CACNB4: variants seen among roughly 807,000 people sequenced by gnomAD.
CACNB4 encodes voltage-dependent L-type calcium channel subunit beta-4.
CACNB4 carries 32 observed loss-of-function variants against 71.2 expected under a neutral mutation model. The observed-to-expected ratio is 0.45, with a 90% CI of 0.34 to 0.60. The LOEUF (loss-of-function observed/expected upper bound fraction) is 0.60, where lower values mean the gene tolerates loss of function less well. Among genes scored for constraint, CACNB4 ranks in the 20% least tolerant of loss-of-function variants. CACNB4 has a pLI of 0.01. For missense variants in CACNB4, 464 were observed against 647.9 expected (o/e 0.72, Z 3.08); for synonymous variants, 231 against 236.9 (o/e 0.97, Z 0.23).
chr2:151,920,977 A>T (rs1434200599), intron 2 of CACNB4, among the ~76,000 whole-genome samples: 3 of 151,954 alleles, frequency 2.0e-5, no homozygotes, highest in East Asian at 1.9e-4. Context: ...TCTCTACTAA[A>T]AATACAAAAA....
At chr2:152,072,353 A>G (rs1466540926) in intron 2 of CACNB4, among the ~76,000 whole-genome samples, 9 of 152,384 alleles carry the variant, frequency 5.9e-5, no homozygotes, top group East Asian at 1.9e-4. Context: ...TGAGAGATCC[A>G]ACGTGGCTAG....
At chr2:151,901,305 C>T (rs1258243432) in intron 2 of CACNB4, among the ~76,000 whole-genome samples, 3 of 151,872 alleles carry the variant, frequency 2.0e-5, no homozygotes, top group Admixed American at 6.6e-5. Flanking sequence ...TTTTGGTAAC[C>T]GTGTTAAATT....
intron 12 of CACNB4, among the ~76,000 whole-genome samples, chr2:151,845,945 A>C (rs1367859933): frequency 6.6e-6 from 1 of 152,258 alleles, no homozygotes; most frequent in Non-Finnish European, 1.5e-5. Context: ...GTAAATAACG[A>C]AGAGTGAAAA....
chr2:151,943,573 A>C (rs1205696898), intron 2 of CACNB4, among the ~76,000 whole-genome samples: 2 of 152,324 alleles, frequency 1.3e-5, no homozygotes, highest in Non-Finnish European at 2.9e-5. Flanking sequence ...TAAAAGCAGT[A>C]CAAATATTCA....
At chr2:151,905,268 C>G (rs1296935160) in intron 2 of CACNB4, among the ~76,000 whole-genome samples, 5 of 152,210 alleles carry the variant, frequency 3.3e-5, no homozygotes, top group Non-Finnish European at 7.3e-5. Flanking sequence ...CCATTGCTTG[C>G]TACTCATTGC....
intron 2 of CACNB4, among the ~76,000 whole-genome samples, chr2:152,001,515 C>T (rs1473486660): frequency 8.3e-6 from 1 of 121,176 alleles, no homozygotes; most frequent in Non-Finnish European, 1.6e-5. Context: ...ATGGTGAAAC[C>T]CCATCTCTAC....
intron 5 of CACNB4, among the ~76,000 whole-genome samples, chr2:151,875,686 T>A (rs1409116147): frequency 2.2e-4 from 2 of 9,162 alleles, no homozygotes; most frequent in Non-Finnish European, 3.8e-4. Flanking sequence ...CCCCCCCACC[T>A]CCCTCCCGGA....
intron 2 of CACNB4, among the ~76,000 whole-genome samples, chr2:152,087,373 G>A (rs370269827): frequency 2.0e-3 from 302 of 150,972 alleles, no homozygotes; most frequent in African/African-American, 6.9e-3. Context: ...CGGAGGTTGC[G>A]GTGAGCTGAG....
chr2:152,044,963 G>A (rs779614781), intron 2 of CACNB4, among the ~76,000 whole-genome samples: 3 of 152,136 alleles, frequency 2.0e-5, no homozygotes, highest in Non-Finnish European at 4.4e-5. Flanking sequence ...GGGAAGAGAC[G>A]GTGGGGGGTT....
intron 2 of CACNB4, among the ~76,000 whole-genome samples, chr2:151,975,642 C>A (rs892692128): frequency 6.6e-6 from 1 of 152,116 alleles, no homozygotes; most frequent in Non-Finnish European, 1.5e-5. Flanking sequence ...CCACGTGGAA[C>A]CTCGGTTCCC....
chr2:152,030,947 T>C (rs57702516), intron 2 of CACNB4, among the ~76,000 whole-genome samples: 67,481 of 152,090 alleles, frequency 0.44, 17,239 homozygotes, highest in Non-Finnish European at 0.59. Context: ...GAAAGATGAT[T>C]CATTCACTGC....
chr2:151,974,060 C>G, intron 2 of CACNB4: 1 of 788,186 alleles, frequency 1.3e-6, no homozygotes, highest in Non-Finnish European at 1.6e-6. Flanking sequence ...GTGGAGGGCG[C>G]CTCGGAGCAT....
chr2:152,004,020 T>C (rs1682580370), intron 2 of CACNB4, among the ~76,000 whole-genome samples: 1 of 152,020 alleles, frequency 6.6e-6, no homozygotes, highest in African/African-American at 2.4e-5. Flanking sequence ...CAGGATCTCG[T>C]TGTTACCCAG....
At chr2:151,956,114 G>T (rs1250170884) in intron 2 of CACNB4, among the ~76,000 whole-genome samples, 1 of 152,224 alleles carries the variant, frequency 6.6e-6, no homozygotes, top group Non-Finnish European at 1.5e-5. Context: ...ATTCAGGCCA[G>T]TGGAGTGGGA....
At chr2:152,058,925 A>G (rs1306770649) in intron 2 of CACNB4, among the ~76,000 whole-genome samples, 1 of 152,212 alleles carries the variant, frequency 6.6e-6, no homozygotes, top group East Asian at 1.9e-4. Flanking sequence ...CAGTCACTCT[A>G]GCTGTGGCTA....
chr2:152,069,780 G>T (rs1464827096), intron 2 of CACNB4, among the ~76,000 whole-genome samples: 1 of 150,646 alleles, frequency 6.6e-6, no homozygotes, highest in Non-Finnish European at 1.5e-5. Context: ...TCTGCTATTG[G>T]ACAGAAAATA....
intron 9 of CACNB4, chr2:151,861,854 A>AAAAAAAAAAAAAAAAC (rs1559883066): frequency 1.3e-5 from 2 of 150,110 alleles, no homozygotes; most frequent in African/African-American, 5.0e-5. Flanking sequence ...AAAAAAAAAA[A>AAAAAAAAAAAAAAAAC]AAAACTGAAG....
At chr2:151,989,147 C>A (rs1318566632) in intron 2 of CACNB4, among the ~76,000 whole-genome samples, 2 of 152,216 alleles carry the variant, frequency 1.3e-5, no homozygotes, top group African/African-American at 4.8e-5. Flanking sequence ...CAGTACGAAT[C>A]TGGTTCCATA....
In CACNB4 at chr2:152,098,419, C is replaced by G. The variant is rs375553277; in HGVS notation, c.64-6G>C. 1 of 1,610,430 alleles carries G rather than the reference C, an allele frequency of 6.2e-7. No homozygotes were observed. The highest frequency in any genetic ancestry group is 8.5e-7 in the Non-Finnish European group (1 of 1,176,852). ...GTTGTGGTGCCTCGGGCCACCTGGA[C>G]TCGACACACGGGGGCCAGAGAGAAG... On this transcript the variant is annotated splice_region_variant and splice_polypyrimidine_tract_variant and intron_variant, in intron 1 of 13. Transcript: ENST00000539935. The surrounding 1 kb of genome is among the most constrained non-coding windows in gnomAD (Gnocchi z 5.3).
Sources: allele counts gnomAD v4.1 joint callset (sites outside exome capture counted in the v4.1 genomes callset), GRCh38; gene constraint gnomAD v4.1.1; non-coding constraint Gnocchi (gnomAD v3.1); transcripts MANE v1.5; gene names NCBI Gene and HGNC (gene_info 2026-07-23, HGNC 2026-07-21).